Variants in TEX14 observed in about 807,000 individuals in gnomAD.
TEX14 encodes the protein testis expressed 14, intercellular bridge forming factor.
In TEX14, 168 loss-of-function variants were observed where a neutral mutation model predicts 178.6. The ratio of observed to expected loss-of-function variants is 0.94; its 90% CI spans 0.83 to 1.07. TEX14 has a LOEUF of 1.07. Ranked by LOEUF, TEX14 falls within the 50% of genes least tolerant of loss-of-function variation. The pLI is 0.00. For missense variants in TEX14, 1,730 were observed against 1,753.6 expected, an observed-to-expected ratio of 0.99 and a Z score of 0.24; for synonymous variants, 626 against 634.1, an observed-to-expected ratio of 0.99 and a Z score of 0.19.
At chr17:58,641,488 T>TTTTTTATTATTATTA (rs1555577864) in intron 2 of TEX14, among the ~76,000 whole-genome samples, 1 of 143,646 alleles carries the variant, frequency 7.0e-6, no homozygotes, top group African/African-American at 2.6e-5. Flanking sequence ...TTCTCTTTTA[T>TTTTTTATTATTATTA]TTATTATTAT....
At chr17:58,688,028 AC>A (rs1482475837) in intron 1 of TEX14, among the ~76,000 whole-genome samples, 1 of 152,164 alleles carries the variant, frequency 6.6e-6, no homozygotes, top group African/African-American at 2.4e-5. Flanking sequence ...CTGAATGTAG[AC>A]CCCAGTCATA....
chr17:58,629,841 A>C lies in TEX14; in HGVS notation c.251+599T>G, dbSNP rs549375227. Among the ~76,000 whole-genome samples, 852 of 151,718 alleles carry C rather than the reference A, an allele frequency of 5.6e-3. 5 individuals carry two copies. The highest frequency in any genetic ancestry group is 8.9e-3 in the African/African-American group (368 of 41,438). On this transcript the variant is annotated intron_variant, in intron 3 of 31. Coordinates refer to ENST00000349033, the MANE Select transcript of TEX14 (RefSeq NM_031272.5). The stretch of plus-strand genomic sequence containing the variant: ...CAGAGCTAGACTCCGTCTGAAAAAA[A>C]AAAAAAAATAAATAAATAAAATTTA...
At chr17:58,559,609 A>G (rs1271461917) in intron 29 of TEX14, 47 bp from the exon 30 acceptor site, 2 of 894,696 alleles carry the variant, frequency 2.2e-6, no homozygotes, top group Admixed American at 3.6e-5. Context: ...CACAACAGCC[A>G]AGAAAACAGG....
At chr17:58,579,541 C>A in intron 20 of TEX14, 124 bp downstream of exon 20, 1 of 773,458 alleles carries the variant, frequency 1.3e-6, no homozygotes, top group Non-Finnish European at 2.2e-6. Flanking sequence ...GTTTTCTCAA[C>A]CATATAATGA....
intron 2 of TEX14, among the ~76,000 whole-genome samples, chr17:58,639,534 C>G (rs888234633): frequency 2.6e-5 from 4 of 152,002 alleles, no homozygotes; most frequent in Non-Finnish European, 5.9e-5. Flanking sequence ...AACCACGTCT[C>G]TACTAAAAAT....
chr17:58,656,692 T>G (rs1348675026), intron 1 of TEX14, among the ~76,000 whole-genome samples: 1 of 150,362 alleles, frequency 6.7e-6, no homozygotes, highest in Non-Finnish European at 1.5e-5. Flanking sequence ...AGGCAGAGGT[T>G]GCAGTGAGCC....
Position 58,605,107 on chromosome 17 carries a change from CCCTCT to C in TEX14, c.1202_1206del (p.Gln401ArgfsTer45). 1 of 1,614,158 alleles carries C rather than the reference CCCTCT, an allele frequency of 6.2e-7. No homozygotes were observed. Among genetic ancestry groups the C allele is most frequent in the Non-Finnish European group, 8.5e-7 (1 of 1,180,020 alleles). The stretch of plus-strand genomic sequence containing the variant: ...GTAGGAAGGGGCACTCGAGTCAGGT[CCCTCT>C]GTACACCTCTGTCCTCGCTACGGAA... On this transcript the variant is annotated frameshift_variant, in exon 11 of 32. Coordinates refer to ENST00000349033, the MANE Select transcript of TEX14 (RefSeq NM_031272.5). LOFTEE classifies it high-confidence loss of function.
chr17:58,567,809 G>A, intron 26 of TEX14: 1 of 152,240 alleles, frequency 6.6e-6, no homozygotes, highest in African/African-American at 2.4e-5. Context: ...GGCTTCTGCA[G>A]ACTGTGCTGG....
At chr17:58,682,491 C>G (rs1007387838) in intron 1 of TEX14, among the ~76,000 whole-genome samples, 2 of 152,082 alleles carry the variant, frequency 1.3e-5, no homozygotes, top group Non-Finnish European at 2.9e-5. Context: ...CTCCTGACCC[C>G]AAATGATCCA....
At chr17:58,682,860 T>A (rs2047523492) in intron 1 of TEX14, among the ~76,000 whole-genome samples, 1 of 152,028 alleles carries the variant, frequency 6.6e-6, no homozygotes, top group Admixed American at 6.6e-5. Context: ...ATGTTACTGT[T>A]ATAATCCTCA....
At chr17:58,674,224 C>T (rs2047352130) in intron 1 of TEX14, among the ~76,000 whole-genome samples, 2 of 151,160 alleles carry the variant, frequency 1.3e-5, no homozygotes, top group South Asian at 4.2e-4. Context: ...TGCAGTGAGC[C>T]GAGATCGCAC....
At position 58,681,855 on chromosome 17, in the gene TEX14, C is replaced by CA. The variant is rs201226084; in HGVS notation, c.-2+10083dup. On this transcript the variant is annotated intron_variant, in intron 1 of 31. Coordinates refer to ENST00000349033, the MANE Select transcript of TEX14 (RefSeq NM_031272.5). ...GAAACTCTTGTCTCAAACAAAAAAA[C>CA]AAAAAAAAAGAAAAGAAAAAAGAAA... 7.6e-3 allele frequency among the ~76,000 whole-genome samples: 1,128 copies of CA among 147,936 alleles called. 4 individuals carry two copies. Among genetic ancestry groups the CA allele is most frequent in the Middle Eastern group, 0.02 (6 of 294 alleles).
At chr17:58,608,679 C>T (rs1358526301) in intron 10 of TEX14, among the ~76,000 whole-genome samples, 1 of 152,224 alleles carries the variant, frequency 6.6e-6, no homozygotes, top group Non-Finnish European at 1.5e-5. Context: ...ATAAAAATGA[C>T]TGTGGTACAT....
chr17:58,564,994 T>G, intron 27 of TEX14, 26 bp from the exon 28 acceptor site: 3 of 1,453,522 alleles, frequency 2.1e-6, no homozygotes, highest in African/African-American at 2.9e-5. Context: ...AGAATTAACT[T>G]TATTAGAACG....
At chr17:58,604,956 A>G (rs1175640241) in intron 11 of TEX14, 22 bp downstream of exon 11, 1 of 1,613,816 alleles carries the variant, frequency 6.2e-7, no homozygotes, top group East Asian at 2.2e-5. Context: ...ACTTTGGTCA[A>G]CCATTAATGA....
rs145992325 is a variant in TEX14, at chr17:58,603,422, C to T, written c.1337-832G>A. ...TACAAAAATTAGCTGGGTGTGGTGG[C>T]GAGCACATGTAATCTCAGCTACTCT... On this transcript the variant is annotated intron_variant, in intron 11 of 31. Transcript: ENST00000349033. Among the ~76,000 whole-genome samples the T allele has an allele frequency of 4.9e-3, 746 of 151,566 alleles. 4 individuals are homozygous for T. The highest frequency in any genetic ancestry group is 6.4e-3 in the African/African-American group (265 of 41,296).
intron 19 of TEX14, among the ~76,000 whole-genome samples, chr17:58,579,982 T>A (rs2044772993): frequency 6.6e-6 from 1 of 152,178 alleles, no homozygotes; most frequent in South Asian, 2.1e-4. Flanking sequence ...TATATCACTA[T>A]CCCTATTCAA....
intron 1 of TEX14, chr17:58,679,674 C>T (rs1292897589): frequency 3.3e-5 from 5 of 152,092 alleles, no homozygotes; most frequent in African/African-American, 4.8e-5. Flanking sequence ...ATGTTATTTC[C>T]CTTGCCAGTT....
intron 28 of TEX14, among the ~76,000 whole-genome samples, chr17:58,564,603 A>G (rs1210896588): frequency 6.6e-6 from 1 of 152,220 alleles, no homozygotes; most frequent in African/African-American, 2.4e-5. Context: ...AACAATGTGA[A>G]TATACTTATT....
Sources: allele counts gnomAD v4.1 joint callset (sites outside exome capture counted in the v4.1 genomes callset), GRCh38; gene constraint gnomAD v4.1.1; transcripts MANE v1.5; gene names NCBI Gene and HGNC (gene_info 2026-07-23, HGNC 2026-07-21).